The following PSRC1 variants were observed in gnomAD, a reference collection of about 807,000 sequenced individuals.
PSRC1 encodes proline and serine rich coiled-coil 1, also known as proline/serine-rich coiled-coil protein 1.
A neutral mutation model predicts 31.9 loss-of-function variants in PSRC1; 30 were observed. The ratio of observed to expected loss-of-function variants is 0.94; its 90% confidence interval spans 0.70 to 1.28. The LOEUF (loss-of-function observed/expected upper bound fraction) is 1.28. PSRC1 is among the 50% of genes most tolerant of loss of function. The pLI, the probability that PSRC1 is intolerant of heterozygous loss-of-function variation, is 0.00. For missense variants in PSRC1, 481 were observed against 472.8 expected (o/e 1.02, Z -0.16); for synonymous variants, 191 against 192.1 (o/e 0.99, Z 0.05).
At chr1:109,282,318 C>T (rs1657304507) in intron 3 of PSRC1, 200 bp downstream of exon 3, 4 of 621,452 alleles carry the variant, frequency 6.4e-6, no homozygotes, top group Non-Finnish European at 1.1e-5. Flanking sequence ...CTTCTTAACA[C>T]CCTGAAATCT....
In PSRC1 at chr1:109,281,739, A is replaced by C. The variant is rs11800211; in HGVS notation, c.399T>G (p.Ser133=). 9.1e-3 allele frequency: 14,683 copies of C among 1,613,872 alleles called. 1,151 individuals are homozygous for C. The African/African-American group carries it at 0.17, about 19-fold the overall frequency. ...TTGGGGAGGGGGTGCTCCGCGTCAAAGAGTTCACAGTGGGCAGCAGGTCTC... is the reference window on the plus strand; with the variant it reads ...TTGGGGAGGGGGTGCTCCGCGTCAACGAGTTCACAGTGGGCAGCAGGTCTC... The change falls in exon 4 of 7, where the codon TCT becomes TCG. Residue 133 remains serine (S), a synonymous_variant. Coordinates refer to ENST00000409138, the Ensembl canonical transcript of PSRC1.
chr1:109,281,943 G>C lies in PSRC1; in HGVS notation c.195C>G (p.Ser65Arg), dbSNP rs1009638031. 6 of 1,577,562 alleles carry C rather than the reference G, an allele frequency of 3.8e-6. No individual in the cohort carries two copies. In the Admixed American group the frequency reaches 5.5e-5, roughly 14 times the overall value. The change falls in exon 4 of 7, where the codon AGC (serine) becomes AGG (arginine). Residue 65 changes from serine to arginine, a missense_variant. Ser to Arg is a moderately radical substitution (Grantham distance 110). Transcript: ENST00000409138. ...GCTTCTCTGGACTGAGGGGGCCTAG[G>C]CTGAGCCTCACACCCTGGGGGGCAG... is the stretch of plus-strand genomic sequence containing the variant.
chr1:109,282,178 C>T (rs1657272350), intron 3 of PSRC1, 118 bp from the exon 4 acceptor site: 3 of 932,516 alleles, frequency 3.2e-6, no homozygotes, highest in East Asian at 2.7e-5. Flanking sequence ...GGCCCCGATG[C>T]CCATGCTGGC....
exon 2 of PSRC1, chr1:109,282,712 G>C (rs771666808): frequency 6.4e-7 from 1 of 1,551,650 alleles, no homozygotes; most frequent in Non-Finnish European, 8.7e-7. Flanking sequence ...CAGCCAGCAG[G>C]AGCGAGAGTC....
chr1:109,281,325 A>C, intron 4 of PSRC1, 74 bp from the exon 5 acceptor site: 1 of 1,305,796 alleles, frequency 7.7e-7, no homozygotes, highest in African/African-American at 1.5e-5. Context: ...GGAATTAAGA[A>C]ATAGAGGTGG....
intron 1 of PSRC1, 112 bp downstream of exon 1, chr1:109,282,951 C>T: frequency 1.7e-6 from 1 of 593,322 alleles, no homozygotes; most frequent in Non-Finnish European, 3.0e-6. Flanking sequence ...ATCCTGGCCT[C>T]TCCTCACTGG....
intron 2 of PSRC1, 35 bp downstream of exon 2, chr1:109,282,645 C>T: frequency 6.3e-7 from 1 of 1,594,806 alleles, no homozygotes; most frequent in Non-Finnish European, 8.6e-7. Context: ...GGGTCTCACT[C>T]CTCCCTTTCA....
rs565496681 is a variant in PSRC1, at chr1:109,279,812, A to T, written c.*341T>A. ...AATGTCCAGTGAACCAATGCCAAGG[A>T]AGAAGATAAAATTCTCTGGGGCTGA... On this transcript the variant is annotated 3_prime_UTR_variant, in exon 7 of 7. Transcript: ENST00000409138. 7.4e-4 allele frequency: 258 copies of T among 347,464 alleles called. 1 individual carries two copies. The highest frequency in any genetic ancestry group is 6.0e-3 in the Middle Eastern group (7 of 1,174). 21.5% of individuals were successfully genotyped at this position (347,464 alleles called of 1,614,324 possible).
At chr1:109,282,121 G>A (rs1159334139) in intron 3 of PSRC1, 61 bp from the exon 4 acceptor site, 1 of 1,368,076 alleles carries the variant, frequency 7.3e-7, no homozygotes, top group Non-Finnish European at 9.7e-7. Flanking sequence ...GATTATGCAA[G>A]GGAGACTGCA....
exon 4 of PSRC1, chr1:109,281,648 A>C: frequency 6.2e-7 from 1 of 1,613,528 alleles, no homozygotes; most frequent in Non-Finnish European, 8.5e-7. Flanking sequence ...CTCTTTCCAG[A>C]TGTAGCCCGG....
chr1:109,281,384 T>C (rs1270882127), intron 4 of PSRC1, 133 bp from the exon 5 acceptor site: 1 of 786,816 alleles, frequency 1.3e-6, no homozygotes, highest in Non-Finnish European at 2.0e-6. Flanking sequence ...GCTGCTAACA[T>C]CACCACATCA....
At chr1:109,280,069 A>G (rs764856286) in exon 7 of PSRC1, 14 of 1,587,824 alleles carry the variant, frequency 8.8e-6, no homozygotes, top group African/African-American at 2.7e-5. Flanking sequence ...AATCTGCTGG[A>G]GTCAGGGTCT....
intron 1 of PSRC1, chr1:109,282,735 A>G (rs1160467844): frequency 6.5e-7 from 1 of 1,549,850 alleles, no homozygotes; most frequent in East Asian, 2.4e-5. Context: ...GTTAGATCTG[A>G]GCTGGAGAGA....
Position 109,282,540 on chromosome 1 carries a change from CA to C in PSRC1, c.54del (p.Phe18LeufsTer15). 1 of 1,614,106 alleles carries C rather than the reference CA, an allele frequency of 6.2e-7. No individual in the cohort carries two copies. The highest frequency in any genetic ancestry group is 8.5e-7 in the Non-Finnish European group (1 of 1,179,982). On this transcript the variant is annotated frameshift_variant, in exon 3 of 7. Transcript: ENST00000409138. LOFTEE classifies it high-confidence loss of function. ...TACCTGTCAGATGGTGACAGCCCCC[CA>C]AAGTCCAAGGTCTCATCCACAATAA...
rs756809218 is a variant in PSRC1 at position 109,281,009 on chromosome 1, C to T, written c.762G>A (p.Gln254=). Reference sequence around the variant, plus strand: ...GGCGTTGAGAGTTGCTGGTAGAAGGCTGTGGGGCCAGGACGGATCTGATGG... The same window carrying T: ...GGCGTTGAGAGTTGCTGGTAGAAGGTTGTGGGGCCAGGACGGATCTGATGG... The change falls in exon 5 of 7, where the codon CAG becomes CAA. Residue 254 remains glutamine, a synonymous_variant. Coordinates refer to ENST00000409138, the Ensembl canonical transcript of PSRC1. 8.1e-6 allele frequency: 13 copies of T among 1,607,368 alleles called. No homozygotes were observed. In the South Asian group the frequency reaches 1.1e-4, roughly 14 times the overall value.
At position 109,282,068 on chromosome 1, in the gene PSRC1, A is replaced by G. The variant is rs765064534; in HGVS notation, c.78-8T>C. 2.7e-6 allele frequency: 4 copies of G among 1,481,290 alleles called. No individual in the cohort carries two copies. Among genetic ancestry groups the G allele is most frequent in the Non-Finnish European group, 3.6e-6 (4 of 1,115,036 alleles). 91.8% of individuals were successfully genotyped at this position (1,481,290 alleles called of 1,614,324 possible). A position where few individuals can be genotyped will look rare whatever the true frequency, so the allele number is the denominator to read the frequency against. Reference sequence around the variant, plus strand: ...ATGTCTTCCTCCTCACGGCTGAGACAGGAAACAAACCAGGCATCATGCCCA... The same window carrying G: ...ATGTCTTCCTCCTCACGGCTGAGACGGGAAACAAACCAGGCATCATGCCCA... On this transcript the variant is annotated splice_region_variant and splice_polypyrimidine_tract_variant and intron_variant, in intron 3 of 6. Coordinates refer to ENST00000409138, the Ensembl canonical transcript of PSRC1.
intron 2 of PSRC1, 52 bp from the exon 3 acceptor site, chr1:109,282,627 C>T (rs1008001015): frequency 1.2e-6 from 2 of 1,607,050 alleles, no homozygotes; most frequent in Non-Finnish European, 1.7e-6. Context: ...ATGCAGCTCT[C>T]CATCGCTGGG....
At position 109,280,450 on chromosome 1, in the gene PSRC1, G is replaced by A. The variant is rs748782713; in HGVS notation, c.1034C>T (p.Ala345Val). 1.1e-5 allele frequency: 17 copies of A among 1,613,542 alleles called. No homozygotes were observed. In the East Asian group the frequency reaches 3.3e-4, roughly 32 times the overall value. Residue 345 changes from alanine to valine, a missense_variant, in exon 6 of 7, where the codon GCC becomes GTC. Coordinates refer to ENST00000409138, the Ensembl canonical transcript of PSRC1. Reference sequence around the variant, plus strand: ...GGGGGGCTGCAGATTGCTGCGAGTGGCACCCATGACAGGAAGATTTAGTCG... The same window carrying A: ...GGGGGGCTGCAGATTGCTGCGAGTGACACCCATGACAGGAAGATTTAGTCG...
chr1:109,281,263 A>G lies in PSRC1; in HGVS notation c.520-12T>C. ...CAAGTGGGTGACTCCTGAAACACAA[A>G]GAGAGAGAGAAAAAAGACTAGAGTG... On this transcript the variant is annotated splice_polypyrimidine_tract_variant and intron_variant, in intron 4 of 6. Transcript: ENST00000409138. 6.4e-7 allele frequency: 1 copy of G among 1,553,364 alleles called. No individual in the cohort carries two copies.
Sources: gnomAD v4.1 joint callset for allele counts on GRCh38, gnomAD v4.1.1 for gene constraint, MANE v1.5 for transcripts, NCBI Gene and HGNC (gene_info 2026-07-23, HGNC 2026-07-21) for gene names.